The following BRAP variants were observed in gnomAD, a reference collection of about 807,000 sequenced individuals.
The protein encoded by BRAP is BRCA1 associated protein.
BRAP carries 42 observed loss-of-function variants against 73.4 expected under a neutral mutation model. That is an observed-to-expected ratio of 0.57 (90% CI 0.45 to 0.74). BRAP has a LOEUF of 0.74. BRAP is among the 30% of genes least tolerant of loss of function. The pLI, the probability that BRAP is intolerant of heterozygous loss-of-function variation, is 0.00. For missense variants in BRAP, 593 were observed against 751.4 expected (o/e 0.79, Z 2.46); for synonymous variants, 255 against 267.4 (o/e 0.95, Z 0.45).
At chr12:111,682,138 G>A (rs1013927949) in intron 2 of BRAP, among the ~76,000 whole-genome samples, 5 of 152,054 alleles carry the variant, frequency 3.3e-5, no homozygotes, top group African/African-American at 1.2e-4. Context: ...AAACATTCAG[G>A]GCTACTAAGG....
intron 3 of BRAP, among the ~76,000 whole-genome samples, chr12:111,680,534 C>CAA (rs11336940): frequency 1.5e-5 from 2 of 130,106 alleles, no homozygotes; most frequent in Non-Finnish European, 1.7e-5. Context: ...CCATCTCTGC[C>CAA]AAAAAAAAAA....
rs1472647741 is a variant in BRAP, at chr12:111,643,425, A to G, written c.*774T>C. On this transcript the variant is annotated 3_prime_UTR_variant, in exon 12 of 12. Coordinates refer to ENST00000419234, the MANE Select transcript of BRAP (RefSeq NM_006768.5). Reference sequence around the variant, plus strand: ...AGTCTTGCTAGATGCTAGGATACCCACTCTGAGATTTGAGTTTGGGAACAG... The same window carrying G: ...AGTCTTGCTAGATGCTAGGATACCCGCTCTGAGATTTGAGTTTGGGAACAG... 3 of 151,998 alleles carry G rather than the reference A, an allele frequency of 2.0e-5. No homozygotes were observed. The highest frequency in any genetic ancestry group is 4.4e-5 in the Non-Finnish European group (3 of 68,008). The allele number at this position is 151,998 out of a possible 1,614,324, so 9.4% of individuals were successfully genotyped here.
intron 2 of BRAP, 34 bp downstream of exon 2, chr12:111,683,112 T>C: frequency 1.9e-6 from 3 of 1,596,054 alleles, no homozygotes; most frequent in Admixed American, 3.6e-5. Flanking sequence ...GTGTTCACAT[T>C]ACAAAAGAGA....
intron 10 of BRAP, among the ~76,000 whole-genome samples, chr12:111,652,225 T>G (rs1378443182): frequency 6.6e-6 from 1 of 152,056 alleles, no homozygotes; most frequent in African/African-American, 2.4e-5. Context: ...CTACAAAGGT[T>G]GGTTGGTTTG....
chr12:111,672,164 C>T (rs1221602938), intron 5 of BRAP, among the ~76,000 whole-genome samples: 1 of 152,148 alleles, frequency 6.6e-6, no homozygotes, highest in Admixed American at 6.5e-5. Flanking sequence ...AAGGTCACAC[C>T]ACTGTGCTCC....
At chr12:111,668,210 C>G (rs1202249051) in intron 5 of BRAP, among the ~76,000 whole-genome samples, 1 of 151,860 alleles carries the variant, frequency 6.6e-6, no homozygotes, top group African/African-American at 2.4e-5. Flanking sequence ...CCGTCTGGGT[C>G]GGGGCGGGGT....
In BRAP at chr12:111,665,612, A is replaced by C. The variant is rs370831281; in HGVS notation, c.896+27T>G. The C allele has an allele frequency of 3.7e-6, 6 of 1,613,674 alleles. No homozygotes were observed. The South Asian group carries it at 5.5e-5, about 15-fold the overall frequency. On this transcript the variant is annotated intron_variant, in intron 6 of 11. Transcript: ENST00000419234. The surrounding 1 kb of genome is among the most constrained non-coding windows in gnomAD (Gnocchi z 4.3). ...TGGAAGGGTTGCAATGGGCTTGTAC[A>C]CAGAGGGGTTCGGCCCCTGCACTCA...
At chr12:111,656,260 G>A (rs1886529509) in intron 9 of BRAP, among the ~76,000 whole-genome samples, 1 of 152,252 alleles carries the variant, frequency 6.6e-6, no homozygotes, top group Non-Finnish European at 1.5e-5. Flanking sequence ...GGAAGGGACA[G>A]ATGGCGTATG....
intron 11 of BRAP, among the ~76,000 whole-genome samples, chr12:111,647,920 T>A (rs1158283259): frequency 1.3e-5 from 2 of 150,180 alleles, no homozygotes; most frequent in East Asian, 2.0e-4. Context: ...GAAAAAAAAA[T>A]TAGCCAGGGG....
Position 111,685,831 on chromosome 12 carries a change from G to A in BRAP, c.-39C>T. On this transcript the variant is annotated 5_prime_UTR_variant, in exon 1 of 12. Transcript: ENST00000419234. ...GCCGGCGCGGGCCCCGGCGGGCTCA[G>A]GCGAGGCTGGAAGGCGAGCCGAGAG... 6.7e-7 allele frequency: 1 copy of A among 1,484,520 alleles called. No homozygotes were observed. Among genetic ancestry groups the A allele is most frequent in the South Asian group, 1.3e-5 (1 of 76,818 alleles). 92.0% of individuals were successfully genotyped at this position (1,484,520 alleles called of 1,614,324 possible).
At chr12:111,658,889 G>C (rs780801207) in intron 8 of BRAP, 44 bp from the exon 9 acceptor site, 17 of 1,488,170 alleles carry the variant, frequency 1.1e-5, no homozygotes, top group Non-Finnish European at 1.5e-5. Flanking sequence ...AGAATGAAAA[G>C]GGTCTCTGTA....
intron 5 of BRAP, among the ~76,000 whole-genome samples, chr12:111,669,083 G>A (rs1292384779): frequency 6.6e-6 from 1 of 152,118 alleles, no homozygotes; most frequent in Admixed American, 6.6e-5. Flanking sequence ...CTAAATTTAC[G>A]TTCAGTCAAT....
chr12:111,661,593 A>C (rs536515159), intron 6 of BRAP, among the ~76,000 whole-genome samples: 15 of 151,178 alleles, frequency 9.9e-5, no homozygotes, highest in African/African-American at 3.4e-4. Flanking sequence ...ATGTATTTTT[A>C]CTCCAACAAA....
chr12:111,669,800 T>A, intron 5 of BRAP: 1 of 502,602 alleles, frequency 2.0e-6, no homozygotes, highest in South Asian at 3.2e-5. Flanking sequence ...AAAAGGAAAC[T>A]GTTCCTTTTA....
intron 1 of BRAP, among the ~76,000 whole-genome samples, chr12:111,683,806 C>T (rs931559034): frequency 2.0e-5 from 3 of 152,078 alleles, no homozygotes; most frequent in Non-Finnish European, 4.4e-5. Context: ...CCTCCCAAAG[C>T]GCTGGAATTA....
At chr12:111,644,937 A>G (rs965226186) in intron 11 of BRAP, among the ~76,000 whole-genome samples, 1 of 151,278 alleles carries the variant, frequency 6.6e-6, no homozygotes, top group Non-Finnish European at 1.5e-5. Context: ...TTGTATTTTG[A>G]GTAGATATTG....
rs540211991 is a variant in BRAP at position 111,644,097 on chromosome 12, A to C, written c.*102T>G. Reference sequence around the variant, plus strand: ...GCCAAACAACTGTGGCTTGATCCTCACTTGTACTTATTAGGGCCCACCCTC... The same window carrying C: ...GCCAAACAACTGTGGCTTGATCCTCCCTTGTACTTATTAGGGCCCACCCTC... On this transcript the variant is annotated 3_prime_UTR_variant, in exon 12 of 12. Transcript: ENST00000419234. 133 of 1,476,428 alleles carry C rather than the reference A, an allele frequency of 9.0e-5. 3 individuals carry two copies. The South Asian group carries it at 1.7e-3, about 19-fold the overall frequency. 91.5% of individuals were successfully genotyped at this position (1,476,428 alleles called of 1,614,324 possible).
At chr12:111,681,563 G>C in intron 3 of BRAP, 74 bp downstream of exon 3, 2 of 1,240,068 alleles carry the variant, frequency 1.6e-6, no homozygotes, top group South Asian at 2.9e-5. Context: ...TTCAGGACAA[G>C]AGACTATGCT....
chr12:111,675,352 A>G (rs938922968), intron 4 of BRAP, among the ~76,000 whole-genome samples: 4 of 151,948 alleles, frequency 2.6e-5, no homozygotes, highest in African/African-American at 9.7e-5. Context: ...CAGAAATGAA[A>G]AAAGTAAAAA....
Sources: allele counts gnomAD v4.1 joint callset (sites outside exome capture counted in the v4.1 genomes callset), GRCh38; gene constraint gnomAD v4.1.1; non-coding constraint Gnocchi (gnomAD v3.1); transcripts MANE v1.5; gene names NCBI Gene and HGNC (gene_info 2026-07-23, HGNC 2026-07-21).